Variants in COPG2 observed in about 807,000 individuals in gnomAD.
The protein encoded by COPG2 is coat protein complex I subunit gamma 2.
In COPG2, 37 loss-of-function variants were observed where a neutral mutation model predicts 46.3. That is an observed-to-expected ratio of 0.80 (90% CI 0.61 to 1.05). The LOEUF is 1.05. Ranked by LOEUF, COPG2 falls within the 50% of genes least tolerant of loss-of-function variation. COPG2 has a pLI of 0.00. For missense variants in COPG2, 427 were observed against 387.8 expected (o/e 1.10, Z -0.85); for synonymous variants, 159 against 129.7 (o/e 1.23, Z -1.53).
chr7:130,634,460 G>C (rs1428284596), intron 5 of COPG2, among the ~76,000 whole-genome samples: 1 of 152,072 alleles, frequency 6.6e-6, no homozygotes, highest in Non-Finnish European at 1.5e-5. Flanking sequence ...TGAATTCCTA[G>C]GTATTTTATT....
chr7:130,634,886 C>G (rs1390927051), intron 5 of COPG2, among the ~76,000 whole-genome samples: 1 of 151,856 alleles, frequency 6.6e-6, no homozygotes, highest in Non-Finnish European at 1.5e-5. Flanking sequence ...TACGTTCCAT[C>G]AACACCTAGT....
chr7:130,547,014 GAATA>G (rs1319274163), intron 20 of COPG2: 4 of 152,144 alleles, frequency 2.6e-5, no homozygotes, highest in Non-Finnish European at 4.4e-5. Flanking sequence ...GAATCAAGTA[GAATA>G]AATACTTGAC....
intron 5 of COPG2, among the ~76,000 whole-genome samples, chr7:130,628,385 T>C (rs1795159587): frequency 6.6e-6 from 1 of 152,212 alleles, no homozygotes; most frequent in Admixed American, 6.5e-5. Flanking sequence ...TTTTTAGTTG[T>C]TGCCCCAGGG....
intron 9 of COPG2, among the ~76,000 whole-genome samples, chr7:130,564,701 C>T (rs1297106803): frequency 2.6e-5 from 4 of 152,162 alleles, no homozygotes; most frequent in Non-Finnish European, 5.9e-5. Flanking sequence ...TTTCCATGCA[C>T]CTCTTCCCAG....
chr7:130,536,054 C>A (rs1320451087), intron 20 of COPG2, among the ~76,000 whole-genome samples: 1 of 151,860 alleles, frequency 6.6e-6, no homozygotes, highest in Non-Finnish European at 1.5e-5. Context: ...TAGATTGAGG[C>A]CAAAGGTATT....
intron 9 of COPG2, among the ~76,000 whole-genome samples, chr7:130,585,200 A>G (rs565931232): frequency 7.4e-4 from 112 of 152,212 alleles, no homozygotes; most frequent in African/African-American, 2.6e-3. Flanking sequence ...AAAGCAAGCA[A>G]AACTATAAAG....
At chr7:130,591,618 A>C (rs1192752266) in intron 9 of COPG2, among the ~76,000 whole-genome samples, 1 of 91,080 alleles carries the variant, frequency 1.1e-5, no homozygotes, top group South Asian at 4.2e-4. Flanking sequence ...TCAGCCCCGC[A>C]CCCGGCCAGC....
At chr7:130,536,508 C>T (rs923485930) in intron 20 of COPG2, among the ~76,000 whole-genome samples, 121,986 of 152,148 alleles carry the variant, frequency 0.8, 49,104 homozygotes, top group East Asian at 0.88. Flanking sequence ...ACACAGATAA[C>T]AGCAAAAGAA....
chr7:130,666,171 T>C (rs951686829), intron 3 of COPG2, among the ~76,000 whole-genome samples: 1 of 152,256 alleles, frequency 6.6e-6, no homozygotes, highest in South Asian at 2.1e-4. Flanking sequence ...CCCAGAATTA[T>C]TCTGCTAGTA....
chr7:130,664,911 T>C (rs978776828), intron 3 of COPG2, among the ~76,000 whole-genome samples: 1 of 152,228 alleles, frequency 6.6e-6, no homozygotes, highest in East Asian at 1.9e-4. Flanking sequence ...TCAGGCACAG[T>C]AGCTCACACC....
chr7:130,610,865 C>T (rs2116502599), intron 9 of COPG2, 88 bp downstream of exon 9: 2 of 1,333,912 alleles, frequency 1.5e-6, no homozygotes, highest in African/African-American at 1.4e-5. Context: ...TTAGCACTGC[C>T]CCAAAAAAAA....
intron 5 of COPG2, among the ~76,000 whole-genome samples, chr7:130,623,593 T>C (rs1795071796): frequency 6.6e-6 from 1 of 152,226 alleles, no homozygotes; most frequent in African/African-American, 2.4e-5. Flanking sequence ...AGTACCAACC[T>C]GCCTAACTCC....
At chr7:130,551,536 T>C (rs1793534551) in intron 15 of COPG2, among the ~76,000 whole-genome samples, 192 bp from the exon 16 acceptor site, 1 of 152,200 alleles carries the variant, frequency 6.6e-6, no homozygotes, top group African/African-American at 2.4e-5. Flanking sequence ...AAAGAAATAC[T>C]GCTACTGTGA....
At chr7:130,621,372 T>C (rs548599571) in intron 5 of COPG2, among the ~76,000 whole-genome samples, 17 of 152,228 alleles carry the variant, frequency 1.1e-4, no homozygotes, top group Admixed American at 3.3e-4. Flanking sequence ...GGGAAATCAA[T>C]GCACAGGAAT....
At chr7:130,605,877 T>C (rs1183453776) in intron 9 of COPG2, 2 of 436,274 alleles carry the variant, frequency 4.6e-6, no homozygotes, top group Non-Finnish European at 9.1e-6. Flanking sequence ...TAATGGTAAT[T>C]TGTTATGGCA....
At chr7:130,527,705 G>A (rs1307461226) in intron 20 of COPG2, among the ~76,000 whole-genome samples, 1 of 152,132 alleles carries the variant, frequency 6.6e-6, no homozygotes, top group Non-Finnish European at 1.5e-5. Context: ...GGAGAGCCGG[G>A]CAGATACGTG....
At chr7:130,659,254 C>G (rs1304653584) in intron 4 of COPG2, among the ~76,000 whole-genome samples, 2 of 146,784 alleles carry the variant, frequency 1.4e-5, no homozygotes, top group East Asian at 4.1e-4. Context: ...ACTCAGGAGG[C>G]TGAGGCAGGA....
chr7:130,529,516 G>A (rs2116356768), intron 20 of COPG2, among the ~76,000 whole-genome samples: 1 of 152,272 alleles, frequency 6.6e-6, no homozygotes, highest in East Asian at 1.9e-4. Flanking sequence ...AGTGAATAGA[G>A]GGGAGGCAGA....
chr7:130,531,465 C>T (rs1799824357), intron 20 of COPG2, among the ~76,000 whole-genome samples: 2 of 150,792 alleles, frequency 1.3e-5, no homozygotes, highest in Admixed American at 6.6e-5. Flanking sequence ...GGAAAAGGGA[C>T]AATAGTCAAC....
Sources: gnomAD v4.1 joint callset for allele counts (sites outside exome capture counted in the v4.1 genomes callset) on GRCh38, gnomAD v4.1.1 for gene constraint, MANE v1.5 for transcripts, NCBI Gene and HGNC (gene_info 2026-07-23, HGNC 2026-07-21) for gene names.